Variants in KIAA0930 observed in about 807,000 individuals in gnomAD.
KIAA0930 encodes KIAA0930, also known as uncharacterized protein KIAA0930.
A neutral mutation model predicts 43.9 loss-of-function variants in KIAA0930; 24 were observed. The observed-to-expected ratio is 0.55, with a 90% CI of 0.40 to 0.77. The LOEUF is 0.77. KIAA0930 is among the 30% of genes least tolerant of loss of function. The pLI is 0.00. For synonymous variants in KIAA0930, 259 were observed against 216.4 expected (o/e 1.20, Z -1.73); for missense variants, 461 against 574.2 (o/e 0.80, Z 2.02).
chr22:45,238,185 C>G (rs1031214949), intron 1 of KIAA0930, among the ~76,000 whole-genome samples: 1 of 152,040 alleles, frequency 6.6e-6, no homozygotes, highest in African/African-American at 2.4e-5. Flanking sequence ...CTCAGCCTCC[C>G]AAAGGGTTGG....
intron 6 of KIAA0930, 66 bp from the exon 7 acceptor site, chr22:45,203,250 G>A (rs2083605921): frequency 2.0e-6 from 3 of 1,467,820 alleles, no homozygotes; most frequent in South Asian, 1.3e-5. Flanking sequence ...CCCCTCCCCA[G>A]GACATGAACA....
At chr22:45,209,685 T>C (rs531015012) in intron 2 of KIAA0930, among the ~76,000 whole-genome samples, 78 of 152,332 alleles carry the variant, frequency 5.1e-4, no homozygotes, top group African/African-American at 1.7e-3. Context: ...ATACCGTCTG[T>C]CTATCCAAAC....
At position 45,240,717 on chromosome 22, in the gene KIAA0930, C is replaced by G. The variant is rs1332462897; in HGVS notation, c.-14G>C. On this transcript the variant is annotated 5_prime_UTR_variant, in exon 1 of 10. Coordinates refer to ENST00000336156, the MANE Select transcript of KIAA0930 (RefSeq NM_001009880.2). ...GGCACGCAGCATGTGCTGCAGCGAGCGCTCCTCGGCCTCGGCGCCGCCCGC... is the reference window on the plus strand; with the variant it reads ...GGCACGCAGCATGTGCTGCAGCGAGGGCTCCTCGGCCTCGGCGCCGCCCGC... 13 of 1,249,586 alleles carry G rather than the reference C, an allele frequency of 1.0e-5. No individual in the cohort carries two copies. Among genetic ancestry groups the G allele is most frequent in the African/African-American group, 1.6e-5 (1 of 63,784 alleles). The allele number at this position is 1,249,586 out of a possible 1,614,324, so 77.4% of individuals were successfully genotyped here. A position where few individuals can be genotyped will look rare whatever the true frequency, so the allele number is the denominator to read the frequency against.
chr22:45,221,138 C>T (rs2083765260), intron 1 of KIAA0930, among the ~76,000 whole-genome samples: 1 of 152,164 alleles, frequency 6.6e-6, no homozygotes, highest in African/African-American at 2.4e-5. Flanking sequence ...TTTAAAATTG[C>T]AAATCCCACC....
chr22:45,199,946 G>A lies in KIAA0930; in HGVS notation c.942C>T (p.Asn314=). The A allele has an allele frequency of 1.2e-6, 2 of 1,610,196 alleles. No individual in the cohort carries two copies. The highest frequency in any genetic ancestry group is 2.2e-5 in the South Asian group (2 of 90,636). Residue 314 remains asparagine (N), a synonymous_variant, in exon 8 of 10, where the codon AAC becomes AAT. Transcript: ENST00000336156. ...SPSLKRKVPR[N]RIAEMKKSHS... is the part of the protein sequence containing the mutation. ...GCGACTTCTTCATCTCAGCGATCCG[G>A]TTCCGGGGCACCTTCCTCTTGAGGG...
intron 1 of KIAA0930, among the ~76,000 whole-genome samples, chr22:45,227,795 G>A (rs906046335): frequency 2.0e-5 from 3 of 152,218 alleles, no homozygotes; most frequent in African/African-American, 7.2e-5. Flanking sequence ...CTCTGATAGA[G>A]ATGACCTCAT....
rs1381924898 is a variant in KIAA0930, at chr22:45,192,595, T to C, written c.*4581A>G. 2 of 152,262 alleles carry C rather than the reference T, an allele frequency of 1.3e-5. No homozygotes were observed. The highest frequency in any genetic ancestry group is 6.5e-5 in the Admixed American group (1 of 15,288). 9.4% of individuals were successfully genotyped at this position (152,262 alleles called of 1,614,324 possible). ...GATACCTATTTACACCTAAACTGCCTGGCCTTCCAGAGCGGGGACTAAAGG... is the reference window on the plus strand; with the variant it reads ...GATACCTATTTACACCTAAACTGCCCGGCCTTCCAGAGCGGGGACTAAAGG... On this transcript the variant is annotated 3_prime_UTR_variant, in exon 10 of 10. Transcript: ENST00000336156.
At chr22:45,217,961 G>A (rs1162352914) in intron 1 of KIAA0930, among the ~76,000 whole-genome samples, 4 of 152,150 alleles carry the variant, frequency 2.6e-5, no homozygotes, top group Admixed American at 6.5e-5. Context: ...GAGGGCGCGT[G>A]GGAAGTGAGC....
intron 9 of KIAA0930, 145 bp from the exon 10 acceptor site, chr22:45,197,361 G>A (rs9626652): frequency 2.4e-5 from 17 of 695,668 alleles, no homozygotes; most frequent in South Asian, 1.6e-4. Context: ...CAGAGGAGAC[G>A]TGTCTCCACC....
At chr22:45,198,988 A>C (rs2083561819) in intron 8 of KIAA0930, among the ~76,000 whole-genome samples, 1 of 152,150 alleles carries the variant, frequency 6.6e-6, no homozygotes, top group Non-Finnish European at 1.5e-5. Context: ...ACACGCACAC[A>C]GTGCGGAGCC....
At chr22:45,223,921 G>GAGCACCCAGGGTAACCACTGAGCC (rs2083783152) in intron 1 of KIAA0930, among the ~76,000 whole-genome samples, 1 of 146,306 alleles carries the variant, frequency 6.8e-6, no homozygotes, top group Non-Finnish European at 1.5e-5. Context: ...AGCACCAGAT[G>GAGCACCCAGGGTAACCACTGAGCC]AGCACCCAGG....
intron 7 of KIAA0930, among the ~76,000 whole-genome samples, chr22:45,202,106 CT>C (rs1795853560): frequency 6.6e-6 from 1 of 152,374 alleles, no homozygotes; most frequent in Admixed American, 6.5e-5. Context: ...AGGATTCTGG[CT>C]GTGGGTGGCG....
chr22:45,228,800 TGA>T (rs1389817338), intron 1 of KIAA0930, among the ~76,000 whole-genome samples: 1 of 37,806 alleles, frequency 2.6e-5, no homozygotes, highest in African/African-American at 1.1e-4. Context: ...AACACTCACC[TGA>T]GAGATCCCTC....
intron 1 of KIAA0930, among the ~76,000 whole-genome samples, chr22:45,229,867 G>T (rs549984062): frequency 6.5e-4 from 99 of 152,362 alleles, no homozygotes; most frequent in African/African-American, 2.4e-3. Context: ...GCCAAGGCGG[G>T]TGGATCACCT....
intron 1 of KIAA0930, among the ~76,000 whole-genome samples, chr22:45,231,154 G>A (rs895780757): frequency 4.7e-5 from 7 of 149,966 alleles, no homozygotes; most frequent in East Asian, 2.0e-4. Context: ...TCAGGAAGCC[G>A]AGGCAGGAGA....
intron 1 of KIAA0930, among the ~76,000 whole-genome samples, chr22:45,230,331 T>G (rs565936939): frequency 6.4e-4 from 97 of 152,214 alleles, no homozygotes; most frequent in Non-Finnish European, 7.4e-5. Flanking sequence ...GTGATAGGGT[T>G]CAGGCCACGT....
intron 2 of KIAA0930, among the ~76,000 whole-genome samples, chr22:45,210,022 C>T (rs772664986): frequency 2.0e-4 from 30 of 152,326 alleles, no homozygotes; most frequent in Middle Eastern, 3.4e-3. Context: ...CCTCCCCCTA[C>T]CCCGGCCTAT....
Position 45,200,967 on chromosome 22 carries a change from G to T in KIAA0930, c.853-932C>A, listed in dbSNP as rs781165672. On this transcript the variant is annotated intron_variant, in intron 7 of 9. Transcript: ENST00000336156. ...GTAGGAGTTCGCCAGGTGAAGAAGG[G>T]GGGGAAGGGCGTTCCAGCCAGAGGG... 11 of 519,940 alleles carry T rather than the reference G, an allele frequency of 2.1e-5. No individual in the cohort carries two copies. In the East Asian group the frequency reaches 2.8e-4, roughly 13 times the overall value. 32.2% of individuals were successfully genotyped at this position (519,940 alleles called of 1,614,324 possible).
chr22:45,228,803 G>A (rs796693604), intron 1 of KIAA0930, among the ~76,000 whole-genome samples: 194 of 41,230 alleles, frequency 4.7e-3, no homozygotes, highest in Non-Finnish European at 7.2e-3. Context: ...ACTCACCTGA[G>A]AGATCCCTCT....
Sources: allele counts gnomAD v4.1 joint callset (sites outside exome capture counted in the v4.1 genomes callset), GRCh38; gene constraint gnomAD v4.1.1; transcripts MANE v1.5; gene names NCBI Gene and HGNC (gene_info 2026-07-23, HGNC 2026-07-21).